The following CYB5R3 variants were observed in gnomAD, a reference collection of about 807,000 sequenced individuals.
CYB5R3 encodes the protein cytochrome b5 reductase 3.
In CYB5R3, 28 loss-of-function variants were observed where a neutral mutation model predicts 36.5. That is an observed-to-expected ratio of 0.77 (90% CI 0.57 to 1.05). CYB5R3 has a LOEUF of 1.05. CYB5R3 is among the 50% of genes least tolerant of loss of function. The probability of loss-of-function intolerance (pLI) is 0.00; values close to 1 mark genes in which losing one functional copy is unlikely to be tolerated. For synonymous variants in CYB5R3, 181 were observed against 159.8 expected (o/e 1.13, Z -1.00); for missense variants, 474 against 408.9 (o/e 1.16, Z -1.37).
intron 1 of CYB5R3, chr22:42,640,010 C>A: frequency 6.2e-7 from 1 of 1,613,022 alleles, no homozygotes; most frequent in South Asian, 1.1e-5. Flanking sequence ...ATCTCTCTGA[C>A]ATAAAACCAC....
At chr22:42,636,292 G>C (rs982967184) in intron 2 of CYB5R3, among the ~76,000 whole-genome samples, 2 of 152,144 alleles carry the variant, frequency 1.3e-5, no homozygotes, top group Non-Finnish European at 2.9e-5. Context: ...ACACAGCTCA[G>C]AGCACCCAGG....
chr22:42,642,641 C>T (rs1193040874), intron 1 of CYB5R3, among the ~76,000 whole-genome samples: 1 of 152,046 alleles, frequency 6.6e-6, no homozygotes, highest in Non-Finnish European at 1.5e-5. Flanking sequence ...GGTTTCACTG[C>T]GTTAGCCAGG....
rs121965013 is a variant in CYB5R3 at position 42,631,386 on chromosome 22, A to G, written c.218T>C (p.Leu73Pro). 2.6e-6 allele frequency: 4 copies of G among 1,551,480 alleles called. No homozygotes were observed. The East Asian group carries it at 9.8e-5, about 38-fold the overall frequency. ...GCAGGGGCGTGACTCACCGACAGGG[A>G]GGCCCAGGATGTGCTGGGGTGACGG... ...ALPSPQHILG[L>P]PVGQHIYLSA... Residue 73 changes from leucine to proline, a missense_variant, in exon 3 of 9, where the codon CTC becomes CCC. By Grantham distance (98) the Leu-to-Pro change is moderately conservative (BLOSUM62 -3). Coordinates refer to ENST00000352397, the MANE Select transcript of CYB5R3 (RefSeq NM_000398.7).
intron 7 of CYB5R3, among the ~76,000 whole-genome samples, chr22:42,625,422 C>T (rs888758203): frequency 3.3e-5 from 5 of 152,250 alleles, no homozygotes; most frequent in Admixed American, 6.5e-5. Flanking sequence ...GCAGGACAAT[C>T]GCTTGAACCC....
At chr22:42,625,044 G>A (rs976828089) in intron 7 of CYB5R3, among the ~76,000 whole-genome samples, 3 of 152,112 alleles carry the variant, frequency 2.0e-5, no homozygotes, top group Admixed American at 6.5e-5. Flanking sequence ...GGCCCTTTCT[G>A]CCCTAATGGG....
intron 1 of CYB5R3, among the ~76,000 whole-genome samples, chr22:42,647,575 C>CTGTCTCTACTAAAAGTACAAAAAATAGCG (rs58352269): frequency 6.6e-6 from 1 of 152,164 alleles, no homozygotes; most frequent in Non-Finnish European, 1.5e-5. Flanking sequence ...TGGCGAAGCC[C>CTGTCTCTACTAAAAGTACAAAAAATAGCG]AGGTGTGATG....
intron 1 of CYB5R3, among the ~76,000 whole-genome samples, chr22:42,641,658 G>C (rs1369272537): frequency 6.6e-6 from 1 of 152,162 alleles, no homozygotes; most frequent in Non-Finnish European, 1.5e-5. Context: ...GTTAATTTTT[G>C]TATCATTAGT....
Position 42,636,732 on chromosome 22 carries a change from G to A in CYB5R3, c.136C>T (p.Arg46Trp), listed in dbSNP as rs753499270. 30 of 1,612,472 alleles carry A rather than the reference G, an allele frequency of 1.9e-5. No homozygotes were observed. Among genetic ancestry groups the A allele is most frequent in the African/African-American group, 9.3e-5 (7 of 74,934 alleles). Reference sequence around the variant, plus strand: ...GCACTCACCTCCCGGTCGATGAGCCGCAGCGGGTACTTGATGTCCGGGCTC... The same window carrying A: ...GCACTCACCTCCCGGTCGATGAGCCACAGCGGGTACTTGATGTCCGGGCTC... ...LESPDIKYPL[R>W]LIDREIISHD... Residue 46 changes from arginine (R) to tryptophan (W), a missense_variant, in exon 2 of 9, where the codon CGG (arginine) becomes TGG (tryptophan). Coordinates refer to ENST00000352397, the MANE Select transcript of CYB5R3 (RefSeq NM_000398.7).
rs1056387653 is a variant in CYB5R3 at position 42,628,282 on chromosome 22, C to G, written c.334-1G>C. On this transcript the variant is annotated splice_acceptor_variant, in intron 4 of 8. Transcript: ENST00000352397. LOFTEE classifies it high-confidence loss of function. ...TGGGATGGGTGTCCTTGAAGTAAAC[C>G]TGCAAGACACCCCCGCAGCCCTCAG... 5.6e-6 allele frequency: 9 copies of G among 1,613,788 alleles called. No homozygotes were observed. Among genetic ancestry groups the G allele is most frequent in the Non-Finnish European group, 7.6e-6 (9 of 1,179,816 alleles).
intron 4 of CYB5R3, among the ~76,000 whole-genome samples, chr22:42,630,383 C>A (rs565712452): frequency 6.6e-6 from 1 of 152,310 alleles, no homozygotes; most frequent in Middle Eastern, 3.4e-3. Flanking sequence ...GAGGCCCGGC[C>A]GCTGACCACG....
At chr22:42,621,593 A>G (rs146896909) in intron 8 of CYB5R3, among the ~76,000 whole-genome samples, 9 of 152,386 alleles carry the variant, frequency 5.9e-5, no homozygotes, top group East Asian at 1.9e-4. Context: ...TGTGGGTCAC[A>G]GTGGCAACAA....
chr22:42,628,221 C>T lies in CYB5R3; in HGVS notation c.394G>A (p.Glu132Lys), dbSNP rs766031719. ...PAGGKMSQYL[E>K]SMQIGDTIEF... Reference sequence around the variant, plus strand: ...ATGGTGTCTCCAATCTGCATGCTCTCCAGGTACTGAGACATCTTCCCTCCA... The same window carrying T: ...ATGGTGTCTCCAATCTGCATGCTCTTCAGGTACTGAGACATCTTCCCTCCA... Residue 132 changes from glutamate to lysine, a missense_variant, in exon 5 of 9, where the codon GAG becomes AAG. Glu to Lys is a moderately conservative substitution (Grantham distance 56). Coordinates refer to ENST00000352397, the MANE Select transcript of CYB5R3 (RefSeq NM_000398.7). 1 of 1,614,098 alleles carries T rather than the reference C, an allele frequency of 6.2e-7. No individual in the cohort carries two copies. The highest frequency in any genetic ancestry group is 8.5e-7 in the Non-Finnish European group (1 of 1,179,992).
chr22:42,639,972 C>G (rs779126083), intron 1 of CYB5R3: 3 of 1,610,610 alleles, frequency 1.9e-6, no homozygotes, highest in Non-Finnish European at 2.5e-6. Context: ...TTCAAACATT[C>G]TAGCCAATGA....
At chr22:42,622,328 AG>A (rs1280443317) in intron 8 of CYB5R3, among the ~76,000 whole-genome samples, 1 of 151,926 alleles carries the variant, frequency 6.6e-6, no homozygotes, top group Non-Finnish European at 1.5e-5. Context: ...CCCACATCAC[AG>A]GAACCCCGCC....
rs373791816 is a variant in CYB5R3 at position 42,627,266 on chromosome 22, G to A, written c.633+38C>T. The A allele has an allele frequency of 2.5e-6, 4 of 1,576,310 alleles. No individual in the cohort carries two copies. The African/African-American group carries it at 5.4e-5, about 21-fold the overall frequency. On this transcript the variant is annotated intron_variant, in intron 7 of 8. Transcript: ENST00000352397. ...ACCAGGCCCGAAGTCCCCTCTCAGG[G>A]TAAGCTGAGTTTCCCCATCATGGGG...
At chr22:42,623,974 C>T (rs1343724813) in intron 7 of CYB5R3, 86 bp from the exon 8 acceptor site, 46 of 1,189,482 alleles carry the variant, frequency 3.9e-5, no homozygotes, top group Middle Eastern at 3.8e-4. Context: ...CTCGTCATCG[C>T]GCCCGCCTGC....
chr22:42,618,555 A>AAAC lies in CYB5R3; in HGVS notation c.*1217_*1218insGTT, dbSNP rs1927760110. The AAAC allele has an allele frequency of 7.1e-6, 1 of 141,162 alleles. No homozygotes were observed. The highest frequency in any genetic ancestry group is 2.5e-5 in the African/African-American group (1 of 39,400). The allele number at this position is 141,162 out of a possible 1,614,324, so 8.7% of individuals were successfully genotyped here. On this transcript the variant is annotated 3_prime_UTR_variant, in exon 9 of 9. Transcript: ENST00000352397. ...CCGTCTCAAAAAAAAAAAAAAAAAA[A>AAAC]TACAAAAACTAGCTGGGTGTGGTGG...
intron 4 of CYB5R3, among the ~76,000 whole-genome samples, chr22:42,629,213 C>A (rs941731147): frequency 2.0e-5 from 3 of 152,166 alleles, no homozygotes; most frequent in African/African-American, 7.2e-5. Context: ...AAGCCCCAAA[C>A]CTTACTGGGG....
chr22:42,649,162 TG>T, intron 1 of CYB5R3, 132 bp downstream of exon 1: 1 of 259,874 alleles, frequency 3.8e-6, no homozygotes, highest in South Asian at 9.2e-5. Flanking sequence ...CGCGGCGGGC[TG>T]GGCGGGCGAA....
Sources: gnomAD v4.1 joint callset for allele counts (sites outside exome capture counted in the v4.1 genomes callset) on GRCh38, gnomAD v4.1.1 for gene constraint, MANE v1.5 for transcripts, NCBI Gene and HGNC (gene_info 2026-07-23, HGNC 2026-07-21) for gene names.